Variants in MYBPC1 observed in about 807,000 individuals in gnomAD.
MYBPC1 encodes myosin-binding protein C, slow-type.
MYBPC1 carries 52 observed loss-of-function variants against 147.1 expected under a neutral mutation model. That is an observed-to-expected ratio of 0.35 (90% CI 0.28 to 0.45). MYBPC1 has a LOEUF of 0.45. MYBPC1 is among the 20% of genes least tolerant of loss of function. The pLI is 1.00. For missense variants in MYBPC1, 1,228 were observed against 1,440.3 expected, an observed-to-expected ratio of 0.85 and a Z score of 2.39; for synonymous variants, 477 against 475.9, an observed-to-expected ratio of 1.00 and a Z score of -0.03.
At chr12:101,689,569 A>G (rs1951389576), downstream of MYBPC1, among the ~76,000 whole-genome samples, 1 of 152,174 alleles carries the variant, frequency 6.6e-6, no homozygotes, top group Admixed American at 6.5e-5. Flanking sequence ...TAGGAGAGGA[A>G]GCAAAGAAGA....
chr12:101,607,701 T>C (rs1882754378), intron 1 of MYBPC1, among the ~76,000 whole-genome samples: 1 of 152,126 alleles, frequency 6.6e-6, no homozygotes, highest in Non-Finnish European at 1.5e-5. Context: ...AATTAAATGG[T>C]ATATAAGGGC....
Position 101,651,261 on chromosome 12 carries a change from C to T in MYBPC1, c.1394C>T (p.Thr465Ile), listed in dbSNP as rs1249161116. 1 of 1,614,088 alleles carries T rather than the reference C, an allele frequency of 6.2e-7. No homozygotes were observed. The highest frequency in any genetic ancestry group is 8.5e-7 in the Non-Finnish European group (1 of 1,179,990). The stretch of plus-strand genomic sequence containing the variant: ...CCTCTGAAGATTTTGACACCTCTGA[C>T]TGATCAGACTGTAAATCTTGGAAAA... ...LKPLKILTPL[T>I]DQTVNLGKEI... is the part of the protein sequence containing the mutation. Residue 465 changes from threonine (T) to isoleucine (I), a missense_variant, in exon 16 of 32, where the codon ACT (threonine) becomes ATT (isoleucine). Physicochemically the swap from Thr to Ile is moderately conservative, Grantham distance 89 (BLOSUM62 -1). Transcript: ENST00000361466.
the MYBPC1 span, among the ~76,000 whole-genome samples, chr12:101,692,023 G>T: frequency 6.6e-6 from 1 of 152,220 alleles, no homozygotes; most frequent in East Asian, 1.9e-4. Flanking sequence ...TGGAATCTGA[G>T]TGATGGGCAG....
At position 101,661,162 on chromosome 12, in the gene MYBPC1, C is replaced by A. The variant is rs754810728; in HGVS notation, c.1932C>A (p.Phe644Leu). Residue 644 changes from phenylalanine to leucine, a missense_variant, in exon 20 of 32, where the codon TTC becomes TTA. By Grantham distance (22) the Phe-to-Leu change is conservative. Coordinates refer to ENST00000361466, the MANE Select transcript of MYBPC1 (RefSeq NM_002465.4). ...CCTATTTTTTGTCTGCCACAGACTT[C>A]CCTGATCCTCCAGTGGCACCGACTG... The part of the protein sequence containing the change: ...HASIKVKVVD[F>L]PDPPVAPTVT... The A allele has an allele frequency of 1.9e-6, 3 of 1,612,612 alleles. No individual in the cohort carries two copies. The highest frequency in any genetic ancestry group is 1.1e-5 in the South Asian group (1 of 90,976).
chr12:101,666,918 C>CACAT (rs1406325717), intron 22 of MYBPC1: 34 of 482,190 alleles, frequency 7.1e-5, no homozygotes, highest in African/African-American at 5.7e-4. Context: ...CACACACACA[C>CACAT]ACACACACAC....
chr12:101,678,373 G>GGTA lies in MYBPC1; in HGVS notation c.3246+137_3246+139dup. 2.3e-6 allele frequency: 3 copies of GGTA among 1,282,370 alleles called. No homozygotes were observed. The Admixed American group carries it at 5.2e-5, about 22-fold the overall frequency. The allele number at this position is 1,282,370 out of a possible 1,614,324, so 79.4% of individuals were successfully genotyped here. On this transcript the variant is annotated intron_variant, in intron 28 of 31. Transcript: ENST00000361466. The stretch of plus-strand genomic sequence containing the variant: ...TGGGGGATTAGAAGGTGGTAGTGGT[G>GGTA]GTAGATTATTAGGCACACTATTCAG...
At chr12:101,660,323 T>C (rs572856196) in intron 19 of MYBPC1, 44 of 182,186 alleles carry the variant, frequency 2.4e-4, no homozygotes, top group African/African-American at 9.7e-4. Context: ...TACAAGATAT[T>C]GTGACTCGCC....
At chr12:101,676,756 G>GA (rs757545386) in intron 26 of MYBPC1, among the ~76,000 whole-genome samples, 1 of 147,132 alleles carries the variant, frequency 6.8e-6, no homozygotes, top group Non-Finnish European at 1.5e-5. Flanking sequence ...GTCTCAAAAA[G>GA]AAAAAAAAAA....
rs1896199325 is a variant in MYBPC1, at chr12:101,659,714, C to T, written c.1810C>T (p.Pro604Ser). 1 of 1,613,928 alleles carries T rather than the reference C, an allele frequency of 6.2e-7. No individual in the cohort carries two copies. The highest frequency in any genetic ancestry group is 8.5e-7 in the Non-Finnish European group (1 of 1,179,996). ...GSGRIRTESYPDSSTLVIDIA... is the reference protein window; with the variant it reads ...GSGRIRTESYSDSSTLVIDIA... ...TGGCCGGATAAGAACAGAATCTTAC[C>T]CTGATAGCAGCACTCTGGTCATTGA... Residue 604 changes from proline to serine, a missense_variant, in exon 19 of 32, where the codon CCT becomes TCT. By Grantham distance (74) the Pro-to-Ser change is moderately conservative. This residue lies in a region of MYBPC1 where 1,077 missense variants were observed against 1,314.2 expected (regional missense o/e 0.82). Transcript: ENST00000361466.
At position 101,672,268 on chromosome 12, in the gene MYBPC1, C is replaced by G. The variant is rs147631284; in HGVS notation, c.2614-1159C>G. ...TGAAGCAGGGGTTTGGTGTGTAGCT[C>G]TACATCTCTTATTATAACCTAGCCA... On this transcript the variant is annotated intron_variant, in intron 24 of 31. Transcript: ENST00000361466. Among the ~76,000 whole-genome samples, 283 of 152,268 alleles carry G rather than the reference C, an allele frequency of 1.9e-3. 5 individuals are homozygous for G. Among genetic ancestry groups the G allele is most frequent in the African/African-American group, 6.5e-3 (269 of 41,544 alleles).
chr12:101,661,260 T>G lies in MYBPC1; in HGVS notation c.2030T>G (p.Leu677Arg). 1 of 1,603,656 alleles carries G rather than the reference T, an allele frequency of 6.2e-7. No homozygotes were observed. The highest frequency in any genetic ancestry group is 1.1e-5 in the South Asian group (1 of 90,640). ...GCCTACGACGGAGGCTCTCCAATCC[T>G]AGGTAACTGCATGTTGGTTAGTCTG... ...PPAYDGGSPI[L>R]GYFIERKKKQ... The change falls in exon 20 of 32, where the codon CTA becomes CGA. Residue 677 changes from leucine (L) to arginine (R), a missense_variant and splice_region_variant. Leu to Arg is a moderately radical substitution (Grantham distance 102). Around this residue, in one of 2 missense-constraint regions of MYBPC1, gnomAD observed 1,077 missense variants for 1,314.2 expected, o/e 0.82. Coordinates refer to ENST00000361466, the MANE Select transcript of MYBPC1 (RefSeq NM_002465.4).
chr12:101,646,930 CT>C, intron 13 of MYBPC1, 43 bp downstream of exon 13: 4 of 1,609,820 alleles, frequency 2.5e-6, no homozygotes, highest in Non-Finnish European at 3.4e-6. Context: ...GAGCTGTTGG[CT>C]TCTTCTCCCA....
chr12:101,609,955 T>A (rs1483453133), intron 1 of MYBPC1, among the ~76,000 whole-genome samples: 2 of 152,146 alleles, frequency 1.3e-5, no homozygotes, highest in African/African-American at 4.8e-5. Context: ...CCAATGAATT[T>A]TAGGAACATG....
In MYBPC1 at chr12:101,614,493, T is replaced by C. The variant is rs754211988; in HGVS notation, c.26-3T>C. The C allele has an allele frequency of 2.5e-6, 4 of 1,613,882 alleles. No individual in the cohort carries two copies. Among genetic ancestry groups the C allele is most frequent in the Non-Finnish European group, 3.4e-6 (4 of 1,179,948 alleles). ...ACATTTCCATGACTCTTTCCATTTC[T>C]AGAAAATGAAGTGCCAGCCCCAGCC... On this transcript the variant is annotated splice_polypyrimidine_tract_variant and splice_region_variant and intron_variant, in intron 1 of 31. Transcript: ENST00000361466.
At chr12:101,611,763 TAAGG>T (rs1158937011) in intron 1 of MYBPC1, among the ~76,000 whole-genome samples, 8 of 152,100 alleles carry the variant, frequency 5.3e-5, no homozygotes, top group Non-Finnish European at 1.0e-4. Context: ...TGCAAAAGAA[TAAGG>T]AAGAAGAACA....
intron 1 of MYBPC1, among the ~76,000 whole-genome samples, chr12:101,595,741 G>A (rs1220230529): frequency 6.6e-6 from 1 of 152,032 alleles, no homozygotes; most frequent in Non-Finnish European, 1.5e-5. Context: ...TTATTGTAGA[G>A]AATTTCATAA....
chr12:101,612,806 T>C (rs1385599254), intron 1 of MYBPC1, among the ~76,000 whole-genome samples: 2 of 152,208 alleles, frequency 1.3e-5, no homozygotes, highest in Non-Finnish European at 2.9e-5. Flanking sequence ...AGGACAATAT[T>C]AGATTTCCAT....
Position 101,651,261 on chromosome 12 carries a change from C to G in MYBPC1, c.1394C>G (p.Thr465Ser). Residue 465 changes from threonine to serine, a missense_variant, in exon 16 of 32, where the codon ACT (threonine) becomes AGT (serine). Physicochemically the swap from Thr to Ser is moderately conservative, Grantham distance 58. This residue lies in a region of MYBPC1 where 1,077 missense variants were observed against 1,314.2 expected (regional missense o/e 0.82). Coordinates refer to ENST00000361466, the MANE Select transcript of MYBPC1 (RefSeq NM_002465.4). Reference sequence around the variant, plus strand: ...CCTCTGAAGATTTTGACACCTCTGACTGATCAGACTGTAAATCTTGGAAAA... The same window carrying G: ...CCTCTGAAGATTTTGACACCTCTGAGTGATCAGACTGTAAATCTTGGAAAA... ...LKPLKILTPLTDQTVNLGKEI... is the reference protein window; with the variant it reads ...LKPLKILTPLSDQTVNLGKEI... 6.2e-7 allele frequency: 1 copy of G among 1,614,088 alleles called. No homozygotes were observed. The highest frequency in any genetic ancestry group is 1.3e-5 in the African/African-American group (1 of 75,028).
At position 101,667,826 on chromosome 12, in the gene MYBPC1, G is replaced by A; in HGVS notation, c.2451G>A (p.Val817=). The part of the protein sequence containing the change: ...LPTDAKIFVR[V]KAVNAAGASE... ...CAGATGCAAAGATCTTTGTGCGTGT[G>A]AAGGCTGTTAATGCAGCTGGTGCCA... The change falls in exon 23 of 32, where the codon GTG becomes GTA. Residue 817 remains valine, a synonymous_variant. Coordinates refer to ENST00000361466, the MANE Select transcript of MYBPC1 (RefSeq NM_002465.4). 6.2e-7 allele frequency: 1 copy of A among 1,614,176 alleles called. No individual in the cohort carries two copies. Among genetic ancestry groups the A allele is most frequent in the Non-Finnish European group, 8.5e-7 (1 of 1,180,020 alleles).
Sources: allele counts gnomAD v4.1 joint callset (sites outside exome capture counted in the v4.1 genomes callset), GRCh38; gene constraint gnomAD v4.1.1; regional missense constraint gnomAD v4.1.1; transcripts MANE v1.5; gene names NCBI Gene and HGNC (gene_info 2026-07-23, HGNC 2026-07-21).